The following ST8SIA1 variants were observed in gnomAD, a reference collection of about 807,000 sequenced individuals.
ST8SIA1 encodes alpha-N-acetylneuraminide alpha-2,8-sialyltransferase.
Under a neutral mutation model 35.9 loss-of-function variants are expected in ST8SIA1, and 16 were observed. The observed-to-expected ratio is 0.45, with a 90% CI of 0.30 to 0.68. The LOEUF (loss-of-function observed/expected upper bound fraction) is 0.68. ST8SIA1 is among the 30% of genes least tolerant of loss of function. The pLI is 0.09. For missense variants in ST8SIA1, 383 were observed against 453.6 expected (o/e 0.84, Z 1.41); for synonymous variants, 170 against 169.6 (o/e 1.00, Z -0.02).
At position 22,301,646 on chromosome 12, in the gene ST8SIA1, G is replaced by A. The variant is rs576656103; in HGVS notation, c.237-14353C>T. ...TTGGAGAAACTGATTATTTTACCACGGCTTTGACTGGCATGGTGTGCTTTC... is the reference window on the plus strand; with the variant it reads ...TTGGAGAAACTGATTATTTTACCACAGCTTTGACTGGCATGGTGTGCTTTC... On this transcript the variant is annotated intron_variant, in intron 1 of 4. Transcript: ENST00000396037. 2.3e-3 allele frequency among the ~76,000 whole-genome samples: 343 copies of A among 152,188 alleles called. 2 individuals are homozygous for A. The highest frequency in any genetic ancestry group is 7.8e-3 in the African/African-American group (325 of 41,514).
chr12:22,330,354 A>G (rs1057302191), intron 1 of ST8SIA1, among the ~76,000 whole-genome samples: 2 of 152,218 alleles, frequency 1.3e-5, no homozygotes, highest in Admixed American at 6.5e-5. Flanking sequence ...TCTATATGCT[A>G]TCATGTAATT....
At chr12:22,245,743 A>G (rs574824825) in intron 4 of ST8SIA1, among the ~76,000 whole-genome samples, 1 of 152,338 alleles carries the variant, frequency 6.6e-6, no homozygotes, top group African/African-American at 2.4e-5. Flanking sequence ...GAATCAAGGC[A>G]GGATTCTAGG....
chr12:22,275,821 A>T (rs1334095282), intron 2 of ST8SIA1, among the ~76,000 whole-genome samples: 1 of 152,178 alleles, frequency 6.6e-6, no homozygotes, highest in East Asian at 1.9e-4. Context: ...GATCAGTAGC[A>T]AGGCTTGGAT....
chr12:22,224,600 T>G (rs1454214651), intron 4 of ST8SIA1, among the ~76,000 whole-genome samples: 1 of 152,218 alleles, frequency 6.6e-6, no homozygotes, highest in Non-Finnish European at 1.5e-5. Context: ...TGATGCAATT[T>G]TTTCCCAAAT....
In ST8SIA1 at chr12:22,334,339, G is replaced by T. The variant is rs1866817855; in HGVS notation, c.-107C>A. 1 of 815,876 alleles carries T rather than the reference G, an allele frequency of 1.2e-6. No individual in the cohort carries two copies. The highest frequency in any genetic ancestry group is 1.9e-6 in the Non-Finnish European group (1 of 524,124). The allele number at this position is 815,876 out of a possible 1,614,324, so 50.5% of individuals were successfully genotyped here. ...CAGCCCCCCATGCACACACACCTTT[G>T]GTTCTCTTACTTGCAAACGCACGCA... On this transcript the variant is annotated 5_prime_UTR_variant, in exon 1 of 5. Transcript: ENST00000396037.
intron 3 of ST8SIA1, among the ~76,000 whole-genome samples, chr12:22,253,196 A>G (rs1223256474): frequency 1.3e-5 from 2 of 152,194 alleles, no homozygotes; most frequent in Non-Finnish European, 2.9e-5. Flanking sequence ...AATGCACTGT[A>G]GGTCACAGAC....
At chr12:22,292,630 G>A (rs1211910615) in intron 1 of ST8SIA1, among the ~76,000 whole-genome samples, 1 of 152,172 alleles carries the variant, frequency 6.6e-6, no homozygotes, top group Non-Finnish European at 1.5e-5. Context: ...ATTATCCCAG[G>A]TGAGTTAATG....
rs1865501653 is a variant in ST8SIA1 at position 22,238,490 on chromosome 12, T to A, written c.584+10516A>T. Among the ~76,000 whole-genome samples the A allele has an allele frequency of 2.6e-5, 4 of 152,186 alleles. 1 individual carries two copies. On this transcript the variant is annotated intron_variant, in intron 4 of 4. Transcript: ENST00000396037. ...GCCAGCCCCGGCTGCTCCAAGCCTT[T>A]GCTATTTCAACTCCAGCCACCATGT... is the stretch of plus-strand genomic sequence containing the variant.
Position 22,334,526 on chromosome 12 carries a change from G to A in ST8SIA1, c.-294C>T. On this transcript the variant is annotated 5_prime_UTR_variant, in exon 1 of 5. Transcript: ENST00000396037. ...GGCGGGCGCTGGGGTCTCCGAGTGC[G>A]CAGAGAGCGGCGGCGGCGAGTCGCT... is the stretch of plus-strand genomic sequence containing the variant. 1 of 467,238 alleles carries A rather than the reference G, an allele frequency of 2.1e-6. No individual in the cohort carries two copies. Among genetic ancestry groups the A allele is most frequent in the African/African-American group, 2.0e-5 (1 of 50,944 alleles). 28.9% of individuals were successfully genotyped at this position (467,238 alleles called of 1,614,324 possible). A position where few individuals can be genotyped will look rare whatever the true frequency, so the allele number is the denominator to read the frequency against.
chr12:22,280,290 A>T (rs1386284533), intron 2 of ST8SIA1, among the ~76,000 whole-genome samples: 1 of 152,192 alleles, frequency 6.6e-6, no homozygotes, highest in Non-Finnish European at 1.5e-5. Flanking sequence ...AACCAAGATT[A>T]AGAAACTAAT....
intron 4 of ST8SIA1, among the ~76,000 whole-genome samples, chr12:22,215,385 G>C (rs1865223939): frequency 6.6e-6 from 1 of 152,186 alleles, no homozygotes; most frequent in African/African-American, 2.4e-5. Flanking sequence ...GAGGGATGTA[G>C]CAATGAACAA....
intron 4 of ST8SIA1, among the ~76,000 whole-genome samples, chr12:22,228,091 C>T (rs1865378493): frequency 6.6e-6 from 1 of 152,332 alleles, no homozygotes; most frequent in Admixed American, 6.5e-5. Context: ...CCTCTCTACC[C>T]ATGGCAGTTT....
At chr12:22,318,918 T>C (rs989725937) in intron 1 of ST8SIA1, among the ~76,000 whole-genome samples, 1 of 152,170 alleles carries the variant, frequency 6.6e-6, no homozygotes, top group African/African-American at 2.4e-5. Context: ...ATTTTCTAAC[T>C]ATGTAACCCT....
intron 2 of ST8SIA1, among the ~76,000 whole-genome samples, chr12:22,260,874 GTTTT>G (rs757887864): frequency 1.5e-4 from 17 of 114,368 alleles, no homozygotes; most frequent in Admixed American, 2.8e-4. Context: ...TATAGTTGTT[GTTTT>G]TTTTTTTTTT....
chr12:22,230,510 C>G (rs993739148), intron 4 of ST8SIA1, among the ~76,000 whole-genome samples: 1 of 152,092 alleles, frequency 6.6e-6, no homozygotes, highest in Non-Finnish European at 1.5e-5. Flanking sequence ...TCCAATCCCC[C>G]GTCTAAAATC....
intron 4 of ST8SIA1, among the ~76,000 whole-genome samples, chr12:22,233,513 A>G: frequency 6.6e-6 from 1 of 152,156 alleles, no homozygotes; most frequent in Non-Finnish European, 1.5e-5. Context: ...TCTCAAGTCA[A>G]TAAATCCTCC....
intron 4 of ST8SIA1, among the ~76,000 whole-genome samples, chr12:22,236,054 C>A (rs991684197): frequency 1.3e-5 from 2 of 152,178 alleles, no homozygotes; most frequent in African/African-American, 2.4e-5. Context: ...AAACAACTTA[C>A]AATTGATTTT....
intron 1 of ST8SIA1, among the ~76,000 whole-genome samples, chr12:22,303,721 C>T (rs1866345833): frequency 1.3e-5 from 2 of 151,036 alleles, no homozygotes; most frequent in South Asian, 2.1e-4. Context: ...TGGTTGTTTC[C>T]GTCTTTTTCC....
At chr12:22,234,185 A>T (rs1279736536) in intron 4 of ST8SIA1, among the ~76,000 whole-genome samples, 1 of 151,614 alleles carries the variant, frequency 6.6e-6, no homozygotes, top group Non-Finnish European at 1.5e-5. Context: ...ACTTGAACCC[A>T]GGAGGCAGAG....
Sources: allele counts gnomAD v4.1 joint callset (sites outside exome capture counted in the v4.1 genomes callset), GRCh38; gene constraint gnomAD v4.1.1; transcripts MANE v1.5; gene names NCBI Gene and HGNC (gene_info 2026-07-23, HGNC 2026-07-21).